Variants in ABTB2 observed in about 807,000 individuals in gnomAD.
The protein encoded by ABTB2 is ankyrin repeat and BTB domain containing 2.
In ABTB2, 56 loss-of-function variants were observed where a neutral mutation model predicts 104.1. The ratio of observed to expected loss-of-function variants is 0.54; its 90% confidence interval spans 0.43 to 0.67. ABTB2 has a LOEUF of 0.67. ABTB2 is among the 30% of genes least tolerant of loss of function. ABTB2 has a pLI of 0.00. For missense variants in ABTB2, 1,279 were observed against 1,407.7 expected, an observed-to-expected ratio of 0.91 and a Z score of 1.46; for synonymous variants, 606 against 608.2, an observed-to-expected ratio of 1.00 and a Z score of 0.05.
At chr11:34,321,868 G>A (rs1855008566) in intron 1 of ABTB2, among the ~76,000 whole-genome samples, 1 of 152,204 alleles carries the variant, frequency 6.6e-6, no homozygotes, top group Admixed American at 6.5e-5. Context: ...TCACATGCCT[G>A]TTCTGAAACC....
chr11:34,322,831 A>AC (rs914038353), intron 1 of ABTB2, among the ~76,000 whole-genome samples: 13 of 151,830 alleles, frequency 8.6e-5, no homozygotes, highest in African/African-American at 3.1e-4. Flanking sequence ...GGTGCGTACC[A>AC]CCCACCCAGC....
chr11:34,198,944 G>A (rs965666351), intron 2 of ABTB2, among the ~76,000 whole-genome samples: 4 of 152,150 alleles, frequency 2.6e-5, no homozygotes, highest in African/African-American at 4.8e-5. Flanking sequence ...AAATGAACAG[G>A]TTTTAATTTG....
intron 1 of ABTB2, among the ~76,000 whole-genome samples, chr11:34,270,318 T>C (rs1275240191): frequency 6.6e-6 from 1 of 151,748 alleles, no homozygotes; most frequent in Admixed American, 6.6e-5. Flanking sequence ...ATCTAATCTG[T>C]TCACCACTGT....
At chr11:34,167,151 G>A (rs1016006801) in intron 7 of ABTB2, 108 bp downstream of exon 7, 3 of 1,038,988 alleles carry the variant, frequency 2.9e-6, no homozygotes, top group Non-Finnish European at 4.3e-6. Context: ...GTGCCTTTGG[G>A]ATCTCTGATT....
In ABTB2 at chr11:34,161,167, C is replaced by T. The variant is rs931345942; in HGVS notation, c.2219-86G>A. On this transcript the variant is annotated intron_variant, in intron 10 of 16. Coordinates refer to ENST00000435224, the MANE Select transcript of ABTB2 (RefSeq NM_145804.3). Reference sequence around the variant, plus strand: ...CCACAGCCTTTTCTGGGCAGACTCTCTCGGGATGCCCCCGCTGTCTGCAGA... The same window carrying T: ...CCACAGCCTTTTCTGGGCAGACTCTTTCGGGATGCCCCCGCTGTCTGCAGA... 49 of 1,348,808 alleles carry T rather than the reference C, an allele frequency of 3.6e-5. No homozygotes were observed. The Admixed American group carries it at 9.9e-4, about 27-fold the overall frequency. 83.6% of individuals were successfully genotyped at this position (1,348,808 alleles called of 1,614,324 possible). A position where few individuals can be genotyped will look rare whatever the true frequency, so the allele number is the denominator to read the frequency against.
rs73497377 is a variant in ABTB2, at chr11:34,312,224, A to G, written c.883+44477T>C. 1.8e-3 allele frequency among the ~76,000 whole-genome samples: 267 copies of G among 152,344 alleles called. 3 individuals are homozygous for G. Among genetic ancestry groups the G allele is most frequent in the African/African-American group, 6.0e-3 (250 of 41,590 alleles). ...GGTTCTGCCTGGAAAGGCATCTTCA[A>G]CCTGACACAGCATCTCCAGATACCC... On this transcript the variant is annotated intron_variant, in intron 1 of 16. Coordinates refer to ENST00000435224, the MANE Select transcript of ABTB2 (RefSeq NM_145804.3).
intron 3 of ABTB2, among the ~76,000 whole-genome samples, chr11:34,177,089 C>T (rs143764859): frequency 3.9e-5 from 6 of 152,090 alleles, no homozygotes; most frequent in East Asian, 1.9e-4. Context: ...AAAGATAATC[C>T]GTGGATTTGC....
chr11:34,243,696 G>A (rs550142867), intron 1 of ABTB2, among the ~76,000 whole-genome samples: 26 of 152,268 alleles, frequency 1.7e-4, no homozygotes, highest in African/African-American at 4.8e-4. Context: ...GATCATTTAC[G>A]GAATGTGCTT....
rs1590199461 is a variant in ABTB2, at chr11:34,154,019, C to G, written c.2880+246G>C. Among the ~76,000 whole-genome samples the G allele has an allele frequency of 6.6e-6, 1 of 152,152 alleles. No individual in the cohort carries two copies. ...AGCTACCACAGCCCAGGTGGCAGAG[C>G]TGGAATGTGAACTAGGGTGCAGCTG... On this transcript the variant is annotated intron_variant, in intron 16 of 16. Transcript: ENST00000435224. The surrounding 1 kb of genome is among the most constrained non-coding windows in gnomAD (Gnocchi z 4.9).
At chr11:34,196,830 C>CAAA (rs1466811966) in intron 3 of ABTB2, among the ~76,000 whole-genome samples, 2 of 152,178 alleles carry the variant, frequency 1.3e-5, no homozygotes, top group Non-Finnish European at 2.9e-5. Flanking sequence ...ATGGATGGGG[C>CAAA]AAAACACACC....
intron 1 of ABTB2, among the ~76,000 whole-genome samples, chr11:34,306,390 G>A (rs1470533771): frequency 1.3e-5 from 2 of 151,760 alleles, no homozygotes; most frequent in Non-Finnish European, 2.9e-5. Flanking sequence ...GGGATTACAG[G>A]CGTGCACCAC....
rs1243168237 is a variant in ABTB2 at position 34,357,524 on chromosome 11, C to A, written c.60G>T (p.Gly20=). 3 of 1,538,964 alleles carry A rather than the reference C, an allele frequency of 1.9e-6. No homozygotes were observed. The highest frequency in any genetic ancestry group is 2.6e-6 in the Non-Finnish European group (3 of 1,146,540). The change falls in exon 1 of 17, where the codon GGG becomes GGT. Residue 20 remains glycine (G), a synonymous_variant. Transcript: ENST00000435224. ...KTLEDLTLDS[G]YGAGDSCRSL... ...AGCGGCACGAGTCCCCGGCCCCATA[C>A]CCGGAGTCCAAGGTCAAGTCCTCCA...
chr11:34,173,383 AG>A, intron 3 of ABTB2, 76 bp from the exon 4 acceptor site: 1 of 1,466,432 alleles, frequency 6.8e-7, no homozygotes, highest in Non-Finnish European at 9.1e-7. Flanking sequence ...CAGGCCTGGG[AG>A]GGTGCTTCTT....
intron 1 of ABTB2, among the ~76,000 whole-genome samples, chr11:34,257,597 C>CT (rs921042252): frequency 5.9e-5 from 9 of 151,268 alleles, no homozygotes; most frequent in Admixed American, 1.3e-4. Context: ...GGAGTGACTT[C>CT]TTTTTTTTTG....
chr11:34,357,885 C>T lies in ABTB2; in HGVS notation c.-302G>A, dbSNP rs1855487359. ...AATTCCCACAAGCAGAGAGTCAGTCCTCCACAGAGAAGGAATCCCGGGAGA... is the reference window on the plus strand; with the variant it reads ...AATTCCCACAAGCAGAGAGTCAGTCTTCCACAGAGAAGGAATCCCGGGAGA... On this transcript the variant is annotated 5_prime_UTR_variant, in exon 1 of 17. Coordinates refer to ENST00000435224, the MANE Select transcript of ABTB2 (RefSeq NM_145804.3). The T allele has an allele frequency of 3.0e-6, 1 of 338,550 alleles. No individual in the cohort carries two copies. The highest frequency in any genetic ancestry group is 5.4e-6 in the Non-Finnish European group (1 of 186,896). 21.0% of individuals were successfully genotyped at this position (338,550 alleles called of 1,614,324 possible).
At chr11:34,276,179 A>C (rs1370000738) in intron 1 of ABTB2, among the ~76,000 whole-genome samples, 1 of 151,910 alleles carries the variant, frequency 6.6e-6, no homozygotes. Flanking sequence ...TCAGAGAGCC[A>C]TGTCACAAAT....
At chr11:34,305,931 T>C (rs1023270098) in intron 1 of ABTB2, among the ~76,000 whole-genome samples, 2 of 152,202 alleles carry the variant, frequency 1.3e-5, no homozygotes, top group African/African-American at 2.4e-5. Flanking sequence ...CACAGTAATG[T>C]TATCTAATAT....
rs1436587163 is a variant in ABTB2 at position 34,173,151 on chromosome 11, A to G, written c.1397+4T>C. 1 of 1,613,684 alleles carries G rather than the reference A, an allele frequency of 6.2e-7. No individual in the cohort carries two copies. The highest frequency in any genetic ancestry group is 8.5e-7 in the Non-Finnish European group (1 of 1,179,900). On this transcript the variant is annotated splice_donor_region_variant and intron_variant, in intron 4 of 16. Transcript: ENST00000435224. ...CGGGGCCCTCCCTCCTCCCTGGTTCATACTTGAGCTGCCGAGGTTCACAGT... is the reference window on the plus strand; with the variant it reads ...CGGGGCCCTCCCTCCTCCCTGGTTCGTACTTGAGCTGCCGAGGTTCACAGT...
At chr11:34,173,126 C>T (rs749187672) in intron 4 of ABTB2, 29 bp downstream of exon 4, 60 of 1,612,690 alleles carry the variant, frequency 3.7e-5, no homozygotes, top group Admixed American at 1.2e-4. Flanking sequence ...TCATGGATGC[C>T]GGGGCCCTCC....
Sources: gnomAD v4.1 joint callset for allele counts (sites outside exome capture counted in the v4.1 genomes callset) on GRCh38, gnomAD v4.1.1 for gene constraint, Gnocchi (gnomAD v3.1) non-coding constraint, MANE v1.5 for transcripts, NCBI Gene and HGNC (gene_info 2026-07-23, HGNC 2026-07-21) for gene names.